ENTHD1: variants seen among roughly 807,000 people sequenced by gnomAD.
ENTHD1 encodes the protein ENTH domain containing 1, also known as ENTH domain-containing protein 1.
ENTHD1 carries 23 observed loss-of-function variants against 39.1 expected under a neutral mutation model. The observed-to-expected ratio is 0.59, with a 90% CI of 0.42 to 0.83. The LOEUF is 0.83. Among genes scored for constraint, ENTHD1 ranks in the 40% least tolerant of loss-of-function variants. The probability of loss-of-function intolerance (pLI) is 0.00; values close to 1 mark genes in which losing one functional copy is unlikely to be tolerated. For synonymous variants in ENTHD1, 230 were observed against 258.2 expected, an observed-to-expected ratio of 0.89 and a Z score of 1.05; for missense variants, 624 against 705.4, an observed-to-expected ratio of 0.88 and a Z score of 1.31.
At position 39,861,912 on chromosome 22, in the gene ENTHD1, G is replaced by A. The variant is rs1271524853; in HGVS notation, c.445C>T (p.Gln149Ter). 3 of 1,602,690 alleles carry A rather than the reference G, an allele frequency of 1.9e-6. No individual in the cohort carries two copies. The highest frequency in any genetic ancestry group is 2.6e-6 in the Non-Finnish European group (3 of 1,172,378). ...KEREVACRTR[Q>*]RTSHSILFSK... The stretch of plus-strand genomic sequence containing the variant: ...AACAATATAGAGTGGGAGGTACGCT[G>A]TCTAGTCCGACATGCCACTTCCCTC... Residue 149 changes from glutamine to a stop codon, truncating the protein, a stop_gained, in exon 3 of 7, where the codon CAG (glutamine) becomes TAG (stop). Coordinates refer to ENST00000325157, the MANE Select transcript of ENTHD1 (RefSeq NM_152512.4). LOFTEE classifies it high-confidence loss of function.
chr22:39,863,553 C>G (rs1356785948), intron 2 of ENTHD1, among the ~76,000 whole-genome samples: 1 of 152,184 alleles, frequency 6.6e-6, no homozygotes, highest in Non-Finnish European at 1.5e-5. Context: ...TAACCTATAA[C>G]TCACTCGAAT....
At chr22:39,871,333 A>T (rs545301524) in intron 2 of ENTHD1, among the ~76,000 whole-genome samples, 3 of 152,340 alleles carry the variant, frequency 2.0e-5, no homozygotes, top group South Asian at 4.1e-4. Flanking sequence ...GTAGTAACTA[A>T]TATCGACAGG....
At chr22:39,891,395 T>C (rs1285896446) in intron 1 of ENTHD1, among the ~76,000 whole-genome samples, 1 of 152,158 alleles carries the variant, frequency 6.6e-6, no homozygotes, top group Non-Finnish European at 1.5e-5. Context: ...GAAACATGTG[T>C]TGTGCAAATA....
intron 5 of ENTHD1, among the ~76,000 whole-genome samples, chr22:39,796,867 G>C (rs561687511): frequency 6.6e-6 from 1 of 152,298 alleles, no homozygotes; most frequent in South Asian, 2.1e-4. Flanking sequence ...ATGTTCTATA[G>C]ATGGCTGTTA....
chr22:39,880,523 T>G (rs934916885), intron 2 of ENTHD1, among the ~76,000 whole-genome samples: 24 of 152,174 alleles, frequency 1.6e-4, no homozygotes, highest in Admixed American at 1.0e-3. Context: ...TTGTAACAAA[T>G]GTACCACTTT....
At chr22:39,757,591 C>T (rs1037708489) in intron 6 of ENTHD1, among the ~76,000 whole-genome samples, 1 of 151,984 alleles carries the variant, frequency 6.6e-6, no homozygotes, top group Non-Finnish European at 1.5e-5. Flanking sequence ...GCAGGAGAAT[C>T]ACTTGAATCC....
chr22:39,828,340 T>TAA (rs538829987), intron 4 of ENTHD1, among the ~76,000 whole-genome samples: 1 of 151,552 alleles, frequency 6.6e-6, no homozygotes. Context: ...AGCATGAAAA[T>TAA]AAAAAAAACC....
intron 2 of ENTHD1, chr22:39,875,364 C>G: frequency 2.2e-6 from 3 of 1,377,172 alleles, no homozygotes; most frequent in Non-Finnish European, 2.8e-6. Context: ...GTGGCGGGCG[C>G]GCTGCGGCCC....
intron 3 of ENTHD1, among the ~76,000 whole-genome samples, chr22:39,849,273 G>A (rs951900518): frequency 1.3e-5 from 2 of 152,160 alleles, no homozygotes; most frequent in Non-Finnish European, 2.9e-5. Flanking sequence ...CTGAATCAGC[G>A]GTTCTCTACT....
Position 39,814,295 on chromosome 22 carries a change from C to CAAAAAAAAAAAAAAAAAAAAA in ENTHD1, c.832+6697_832+6698insTTTTTTTTTTTTTTTTTTTTT, listed in dbSNP as rs77915572. ...GCAACATGGCAAAACCCCATCTCTA[C>CAAAAAAAAAAAAAAAAAAAAA]AAAAAAAAAAAAAAAATAACCAGGT... On this transcript the variant is annotated intron_variant, in intron 5 of 6. Transcript: ENST00000325157. Among the ~76,000 whole-genome samples, 22 of 97,672 alleles carry CAAAAAAAAAAAAAAAAAAAAA rather than the reference C, an allele frequency of 2.3e-4. 1 individual carries two copies. The highest frequency in any genetic ancestry group is 6.9e-4 in the South Asian group (2 of 2,900). The allele number at this position is 97,672 out of a possible 152,430, so 64.1% of individuals were successfully genotyped here.
At chr22:39,779,556 GA>G (rs770578811) in intron 5 of ENTHD1, among the ~76,000 whole-genome samples, 14,995 of 133,458 alleles carry the variant, frequency 0.11, 831 homozygotes, top group Middle Eastern at 0.14. Flanking sequence ...TAACATGAAA[GA>G]AAAAAAAAAA....
intron 5 of ENTHD1, among the ~76,000 whole-genome samples, chr22:39,802,865 A>G (rs2065609918): frequency 6.6e-6 from 1 of 152,198 alleles, no homozygotes; most frequent in South Asian, 2.1e-4. Context: ...TCTGACAATC[A>G]GTCATGAGGA....
chr22:39,790,853 C>G (rs1208610082), intron 5 of ENTHD1, among the ~76,000 whole-genome samples: 1 of 152,162 alleles, frequency 6.6e-6, no homozygotes, highest in African/African-American at 2.4e-5. Flanking sequence ...GGTGAAGACT[C>G]ACAACATGGT....
chr22:39,845,871 C>T (rs758243161), intron 3 of ENTHD1, among the ~76,000 whole-genome samples: 32 of 151,464 alleles, frequency 2.1e-4, no homozygotes, highest in Non-Finnish European at 3.7e-4. Context: ...TCCCATTTTG[C>T]GGCTTTTTTT....
intron 6 of ENTHD1, 65 bp downstream of exon 6, chr22:39,765,158 T>G: frequency 6.9e-7 from 1 of 1,457,726 alleles, no homozygotes; most frequent in Non-Finnish European, 9.0e-7. Flanking sequence ...AAAATAATGC[T>G]TCAAAAGAGG....
chr22:39,877,942 T>C (rs2146758720), intron 2 of ENTHD1, among the ~76,000 whole-genome samples: 1 of 151,976 alleles, frequency 6.6e-6, no homozygotes, highest in African/African-American at 2.4e-5. Flanking sequence ...AAAATCACAG[T>C]TTGAGGAGAC....
intron 5 of ENTHD1, among the ~76,000 whole-genome samples, chr22:39,783,704 G>A (rs2065430887): frequency 6.6e-6 from 1 of 152,026 alleles, no homozygotes; most frequent in Non-Finnish European, 1.5e-5. Context: ...TATAGGAAAA[G>A]AATGAAATTA....
chr22:39,858,320 T>A (rs1309706404), intron 3 of ENTHD1, among the ~76,000 whole-genome samples: 2 of 152,218 alleles, frequency 1.3e-5, no homozygotes, highest in Non-Finnish European at 2.9e-5. Flanking sequence ...TCCAGTCACA[T>A]CTTCAGGCTC....
rs758568561 is a variant in ENTHD1 at position 39,743,857 on chromosome 22, C to T, written c.1646G>A (p.Ser549Asn). Residue 549 changes from serine (S) to asparagine (N), a missense_variant, in exon 7 of 7, where the codon AGT (serine) becomes AAT (asparagine). Coordinates refer to ENST00000325157, the MANE Select transcript of ENTHD1 (RefSeq NM_152512.4). ...PQEPEAKNSI[S>N]VLLREVKRAI... The stretch of plus-strand genomic sequence containing the variant: ...ACGTTTTACCTCCCTTAAAAGAACA[C>T]TAATGGAATTCTTTGCTTCAGGTTC... 15 of 1,614,000 alleles carry T rather than the reference C, an allele frequency of 9.3e-6. No homozygotes were observed. In the East Asian group the frequency reaches 1.6e-4, roughly 17 times the overall value.
Sources: allele counts gnomAD v4.1 joint callset (sites outside exome capture counted in the v4.1 genomes callset), GRCh38; gene constraint gnomAD v4.1.1; transcripts MANE v1.5; gene names NCBI Gene and HGNC (gene_info 2026-07-23, HGNC 2026-07-21).